LRMDA: variants seen among roughly 807,000 people sequenced by gnomAD.
The protein encoded by LRMDA is leucine-rich melanocyte differentiation-associated protein.
A neutral mutation model predicts 29.8 loss-of-function variants in LRMDA; 18 were observed. The ratio of observed to expected loss-of-function variants is 0.60; its 90% CI spans 0.42 to 0.90. The LOEUF (loss-of-function observed/expected upper bound fraction) is 0.90. LRMDA is among the 40% of genes least tolerant of loss of function. The probability of loss-of-function intolerance (pLI) is 0.00; values close to 1 mark genes in which losing one functional copy is unlikely to be tolerated. For synonymous variants in LRMDA, 125 were observed against 109.4 expected, an observed-to-expected ratio of 1.14 and a Z score of -0.89; for missense variants, 273 against 273.9, an observed-to-expected ratio of 1.00 and a Z score of 0.02.
chr10:76,279,797 A>T (rs577816046), intron 5 of LRMDA, among the ~76,000 whole-genome samples: 19 of 152,228 alleles, frequency 1.2e-4, no homozygotes, highest in African/African-American at 4.6e-4. Flanking sequence ...AATGCTTCTT[A>T]TAGGCATTGT....
rs1839917498 is a variant in LRMDA, at chr10:76,260,247, TTC to T, written c.517-64150_517-64149del. On this transcript the variant is annotated intron_variant, in intron 5 of 6. Coordinates refer to ENST00000611255, the MANE Select transcript of LRMDA (RefSeq NM_001305581.2). ...TCTTTTGTGTATTGCCTTGCTTCTT[TTC>T]TCTTTCTTCCTTGTGTATTGTCCCT... Among the ~76,000 whole-genome samples the T allele has an allele frequency of 3.3e-5, 5 of 152,300 alleles. No homozygotes were observed. In the South Asian group the frequency reaches 1.0e-3, roughly 32 times the overall value.
intron 5 of LRMDA, among the ~76,000 whole-genome samples, chr10:76,229,015 G>A (rs1014481810): frequency 2.0e-4 from 30 of 152,206 alleles, no homozygotes; most frequent in Non-Finnish European, 4.4e-5. Context: ...CACTGATACA[G>A]TTTTTGCAAA....
chr10:75,684,535 C>T (rs772935371), intron 2 of LRMDA, among the ~76,000 whole-genome samples: 2 of 152,096 alleles, frequency 1.3e-5, no homozygotes, highest in Admixed American at 6.6e-5. Context: ...AGTTTGGGTC[C>T]GCTGTGGCCA....
chr10:75,488,366 T>G (rs1386171296), intron 2 of LRMDA, among the ~76,000 whole-genome samples: 2 of 152,192 alleles, frequency 1.3e-5, no homozygotes, highest in African/African-American at 2.4e-5. Context: ...GAAAATAGTC[T>G]GAAAGCTCAG....
chr10:75,785,189 G>T (rs1442801129), intron 2 of LRMDA, among the ~76,000 whole-genome samples: 1 of 152,174 alleles, frequency 6.6e-6, no homozygotes, highest in Non-Finnish European at 1.5e-5. Flanking sequence ...TCAGCTGATT[G>T]GTTGTATGTG....
intron 2 of LRMDA, among the ~76,000 whole-genome samples, chr10:75,571,749 TC>T (rs1840440610): frequency 6.6e-6 from 1 of 152,126 alleles, no homozygotes; most frequent in African/African-American, 2.4e-5. Flanking sequence ...CTTTTGGGAC[TC>T]TAGTTATCTG....
chr10:76,030,280 C>A lies in LRMDA; in HGVS notation c.132-5728C>A, dbSNP rs1848127845. ...TGTGTGTGTGTATATATATGTATGG[C>A]TATGTGACTTGAATGGCAGAAAAAT... is the stretch of plus-strand genomic sequence containing the variant. On this transcript the variant is annotated intron_variant, in intron 2 of 6. Transcript: ENST00000611255. Among the ~76,000 whole-genome samples the A allele has an allele frequency of 2.6e-5, 4 of 151,760 alleles. No homozygotes were observed. In the South Asian group the frequency reaches 8.3e-4, roughly 32 times the overall value.
intron 5 of LRMDA, among the ~76,000 whole-genome samples, chr10:76,316,166 G>A (rs1025108983): frequency 6.6e-6 from 1 of 152,198 alleles, no homozygotes. Context: ...TGGCCCTTCA[G>A]GGAGCCCAGA....
intron 2 of LRMDA, among the ~76,000 whole-genome samples, chr10:75,617,199 A>C (rs1013045291): frequency 5.9e-5 from 9 of 152,226 alleles, no homozygotes; most frequent in Admixed American, 4.6e-4. Context: ...GGTAAGATCC[A>C]GATCTTGGAC....
chr10:76,454,138 T>C (rs1842433465), intron 6 of LRMDA, among the ~76,000 whole-genome samples: 1 of 152,212 alleles, frequency 6.6e-6, no homozygotes, highest in African/African-American at 2.4e-5. Flanking sequence ...ACATGTAGTA[T>C]GAAGCTAAAT....
chr10:76,144,345 G>A (rs1850268054), intron 5 of LRMDA, among the ~76,000 whole-genome samples: 1 of 152,114 alleles, frequency 6.6e-6, no homozygotes, highest in African/African-American at 2.4e-5. Context: ...TCTTCCATTT[G>A]TTTGTATCCT....
intron 5 of LRMDA, among the ~76,000 whole-genome samples, chr10:76,306,943 A>T (rs1223764977): frequency 2.0e-5 from 3 of 152,226 alleles, no homozygotes; most frequent in Non-Finnish European, 4.4e-5. Context: ...CTTAAACAGA[A>T]CATACCACAC....
At chr10:76,526,846 G>A (rs1392391674) in intron 6 of LRMDA, among the ~76,000 whole-genome samples, 1 of 97,918 alleles carries the variant, frequency 1.0e-5, no homozygotes, top group South Asian at 4.7e-4. Context: ...TGGGGGGAGG[G>A]GGGAGGGATA....
chr10:76,256,328 A>G (rs1429754446), intron 5 of LRMDA, among the ~76,000 whole-genome samples: 1 of 152,210 alleles, frequency 6.6e-6, no homozygotes, highest in Non-Finnish European at 1.5e-5. Flanking sequence ...TTTTAGGTCA[A>G]TATTGAAATT....
intron 2 of LRMDA, among the ~76,000 whole-genome samples, chr10:75,564,287 C>G (rs1840341242): frequency 6.6e-6 from 1 of 152,222 alleles, no homozygotes; most frequent in Admixed American, 6.5e-5. Flanking sequence ...TGATCTCAGA[C>G]TGCTGTGCTG....
At chr10:76,440,435 C>G (rs541453973) in intron 6 of LRMDA, among the ~76,000 whole-genome samples, 16 of 152,272 alleles carry the variant, frequency 1.1e-4, no homozygotes, top group African/African-American at 3.6e-4. Context: ...CCTAATACCC[C>G]ATCTAGACCT....
chr10:75,473,812 A>G (rs1844756034), intron 2 of LRMDA, among the ~76,000 whole-genome samples: 1 of 152,178 alleles, frequency 6.6e-6, no homozygotes, highest in South Asian at 2.1e-4. Flanking sequence ...GATCATGGTC[A>G]TCATCTCACC....
At chr10:76,217,929 CT>C (rs1382991658) in intron 5 of LRMDA, among the ~76,000 whole-genome samples, 1 of 152,166 alleles carries the variant, frequency 6.6e-6, no homozygotes, top group African/African-American at 2.4e-5. Context: ...GAATTTCAAG[CT>C]TCTACCAGAA....
intron 2 of LRMDA, chr10:75,450,409 C>T (rs1436983385): frequency 2.6e-5 from 4 of 151,956 alleles, no homozygotes; most frequent in Non-Finnish European, 4.4e-5. Flanking sequence ...TCTGCTTTTT[C>T]TCTGGTTCTG....
Sources: allele counts gnomAD v4.1 joint callset (sites outside exome capture counted in the v4.1 genomes callset), GRCh38; gene constraint gnomAD v4.1.1; transcripts MANE v1.5; gene names NCBI Gene and HGNC (gene_info 2026-07-23, HGNC 2026-07-21).